The following IL33 variants were observed in gnomAD, a reference collection of about 807,000 sequenced individuals.
IL33 encodes the protein interleukin-33.
A neutral mutation model predicts 27.3 loss-of-function variants in IL33; 37 were observed. The ratio of observed to expected loss-of-function variants is 1.36; its 90% CI spans 1.04 to 1.78. IL33 has a LOEUF of 1.78. IL33 is among the 40% of genes most tolerant of loss of function. The pLI, the probability that IL33 is intolerant of heterozygous loss-of-function variation, is 0.00. For missense variants in IL33, 406 were observed against 311.4 expected, an observed-to-expected ratio of 1.30 and a Z score of -2.29; for synonymous variants, 132 against 102.9, an observed-to-expected ratio of 1.28 and a Z score of -1.71.
Position 6,251,168 on chromosome 9 carries a change from C to A in IL33, c.246C>A (p.Leu82=). 1 of 1,613,900 alleles carries A rather than the reference C, an allele frequency of 6.2e-7. No homozygotes were observed. Among genetic ancestry groups the A allele is most frequent in the South Asian group, 1.1e-5 (1 of 91,056 alleles). ...TGRKHKRHLV[L]AACQQQSTVE... is the part of the protein sequence containing the mutation. ...GAAAGCACAAAAGACATCTGGTACT[C>A]GCTGCCTGTCAACAGCAGTCTACTG... is the stretch of plus-strand genomic sequence containing the variant. Residue 82 remains leucine (L), a synonymous_variant, in exon 4 of 8, where the codon CTC becomes CTA. Coordinates refer to ENST00000682010, the MANE Select transcript of IL33 (RefSeq NM_033439.4).
At chr9:6,250,738 C>G in intron 3 of IL33, 139 bp downstream of exon 3, 1 of 998,722 alleles carries the variant, frequency 1.0e-6, no homozygotes, top group Non-Finnish European at 1.4e-6. Flanking sequence ...TGGTTTTTAG[C>G]TATTTTTAAA....
At chr9:6,218,661 C>CAT (rs531673234) in intron 1 of IL33, among the ~76,000 whole-genome samples, 4 of 139,952 alleles carry the variant, frequency 2.9e-5, no homozygotes, top group African/African-American at 1.1e-4. Flanking sequence ...CATATGTCCC[C>CAT]ATATATATAT....
Position 6,251,144 on chromosome 9 carries a change from A to G in IL33, c.222A>G (p.Arg74=). 1 of 1,613,654 alleles carries G rather than the reference A, an allele frequency of 6.2e-7. No individual in the cohort carries two copies. The change falls in exon 4 of 8, where the codon AGA becomes AGG. Residue 74 remains arginine, a synonymous_variant. Coordinates refer to ENST00000682010, the MANE Select transcript of IL33 (RefSeq NM_033439.4). ...TTKRPSLKTG[R]KHKRHLVLAA... is the part of the protein sequence containing the mutation. Reference sequence around the variant, plus strand: ...CTAATCCCATCCGGTCTGCAGGTAGAAAGCACAAAAGACATCTGGTACTCG... The same window carrying G: ...CTAATCCCATCCGGTCTGCAGGTAGGAAGCACAAAAGACATCTGGTACTCG...
chr9:6,221,809 T>A (rs565181775), intron 1 of IL33, among the ~76,000 whole-genome samples: 2 of 152,292 alleles, frequency 1.3e-5, no homozygotes, highest in East Asian at 3.9e-4. Flanking sequence ...TGTGCATCAG[T>A]GGGTACACTC....
chr9:6,225,691 T>C (rs1416164615), intron 1 of IL33, among the ~76,000 whole-genome samples: 1 of 152,194 alleles, frequency 6.6e-6, no homozygotes, highest in African/African-American at 2.4e-5. Context: ...AATAGTTTTA[T>C]TGTCCTCAAT....
chr9:6,256,388 A>G lies in IL33; in HGVS notation c.*220A>G. 1 of 546,120 alleles carries G rather than the reference A, an allele frequency of 1.8e-6. No homozygotes were observed. The highest frequency in any genetic ancestry group is 3.2e-6 in the Non-Finnish European group (1 of 312,426). 33.8% of individuals were successfully genotyped at this position (546,120 alleles called of 1,614,324 possible). A position where few individuals can be genotyped will look rare whatever the true frequency, so the allele number is the denominator to read the frequency against. On this transcript the variant is annotated 3_prime_UTR_variant, in exon 8 of 8. Coordinates refer to ENST00000682010, the MANE Select transcript of IL33 (RefSeq NM_033439.4). Reference sequence around the variant, plus strand: ...GCATCTTCAATACAAGTATCAGTATATTAAATAGGGTATTGGTAAAGAAAC... The same window carrying G: ...GCATCTTCAATACAAGTATCAGTATGTTAAATAGGGTATTGGTAAAGAAAC...
chr9:6,227,430 C>T (rs1322667820), intron 1 of IL33, among the ~76,000 whole-genome samples: 1 of 152,134 alleles, frequency 6.6e-6, no homozygotes, highest in East Asian at 1.9e-4. Flanking sequence ...TTGTTTTTAT[C>T]AGGAGGGCTG....
intron 4 of IL33, among the ~76,000 whole-genome samples, chr9:6,252,095 ACC>A (rs1491275546): frequency 6.0e-3 from 743 of 123,000 alleles, no homozygotes; most frequent in East Asian, 9.3e-3. Flanking sequence ...AAACAAAAAA[ACC>A]AACTTTACCT....
chr9:6,252,983 A>T lies in IL33; in HGVS notation c.461A>T (p.Glu154Val). 2.0e-6 allele frequency: 3 copies of T among 1,524,498 alleles called. No homozygotes were observed. The allele number at this position is 1,524,498 out of a possible 1,614,324, so 94.4% of individuals were successfully genotyped here. Residue 154 changes from glutamate to valine, a missense_variant, in exon 5 of 8, where the codon GAA (glutamate) becomes GTA (valine). Physicochemically the swap from Glu to Val is moderately radical, Grantham distance 121. Transcript: ENST00000682010. ...EIYVEDLKKD[E>V]KKDKVLLSYY... ...TATGTTGAAGACTTGAAAAAAGATG[A>T]AAAGAAAGGTAGATTATTTTCTTTT...
At chr9:6,218,755 T>G (rs1209448903) in intron 1 of IL33, among the ~76,000 whole-genome samples, 25 of 127,316 alleles carry the variant, frequency 2.0e-4, no homozygotes, top group Non-Finnish European at 4.1e-4. Flanking sequence ...TCTCCATATA[T>G]ATATATGTTC....
At chr9:6,239,257 A>G (rs936556593) in intron 1 of IL33, among the ~76,000 whole-genome samples, 1 of 152,072 alleles carries the variant, frequency 6.6e-6, no homozygotes, top group African/African-American at 2.4e-5. Flanking sequence ...TTTTTTGGTT[A>G]TATTCAAATA....
intron 5 of IL33, 111 bp downstream of exon 5, chr9:6,253,102 G>T (rs1816506207): frequency 1.4e-6 from 1 of 740,206 alleles, no homozygotes; most frequent in Non-Finnish European, 2.1e-6. Context: ...TGGCAAACAG[G>T]TCATGCTGTG....
chr9:6,240,324 T>C (rs10815393), intron 1 of IL33, among the ~76,000 whole-genome samples: 28,745 of 152,036 alleles, frequency 0.19, 2,968 homozygotes, highest in Non-Finnish European at 0.22. Flanking sequence ...GTGGGATAAC[T>C]TGAAGCGTGG....
intron 1 of IL33, among the ~76,000 whole-genome samples, chr9:6,224,480 A>G (rs1408170971): frequency 6.6e-6 from 1 of 152,204 alleles, no homozygotes; most frequent in Non-Finnish European, 1.5e-5. Context: ...ATCAGCTGAT[A>G]GGATTTAGAG....
rs1564073296 is a variant in IL33, at chr9:6,252,075, AAACAAAACAAAACAAAAAAAC to A, written c.344-790_344-770del. ...AACAAACAAAAAAAAACCCAACAAA[AAACAAAACAAAACAAAAAAAC>A]CAACTTTACCTGGAAATTGCATTTG... On this transcript the variant is annotated intron_variant, in intron 4 of 7. Coordinates refer to ENST00000682010, the MANE Select transcript of IL33 (RefSeq NM_033439.4). 4.2e-4 allele frequency among the ~76,000 whole-genome samples: 57 copies of A among 134,582 alleles called. 3 individuals carry two copies. The highest frequency in any genetic ancestry group is 7.2e-3 in the Middle Eastern group (2 of 276). The allele number at this position is 134,582 out of a possible 152,430, so 88.3% of individuals were successfully genotyped here.
chr9:6,215,335 A>G (rs899377849), upstream of IL33, among the ~76,000 whole-genome samples: 3 of 152,262 alleles, frequency 2.0e-5, no homozygotes, highest in African/African-American at 4.8e-5. Flanking sequence ...CCCGTCAGAT[A>G]TGTTGGAATA....
intron 1 of IL33, among the ~76,000 whole-genome samples, chr9:6,238,737 A>G (rs1819368248): frequency 6.6e-6 from 1 of 152,166 alleles, no homozygotes; most frequent in East Asian, 1.9e-4. Context: ...AGGAGGCCAT[A>G]CTTAAAAAGA....
At chr9:6,233,201 T>G (rs537919918) in intron 1 of IL33, among the ~76,000 whole-genome samples, 15 of 152,294 alleles carry the variant, frequency 9.8e-5, no homozygotes, top group African/African-American at 3.6e-4. Flanking sequence ...AAGGATCTGT[T>G]TCAGATTTTT....
In IL33 at chr9:6,257,721, G is replaced by C. The variant is rs1379983919; in HGVS notation, c.*1553G>C. The stretch of plus-strand genomic sequence containing the variant: ...TTATTGAGACCTATTAGATGTAAGT[G>C]CTAGTAGAATATAAGATAAAAGAGG... On this transcript the variant is annotated 3_prime_UTR_variant, in exon 8 of 8. Transcript: ENST00000682010. The C allele has an allele frequency of 6.6e-6, 1 of 152,172 alleles. No homozygotes were observed. Among genetic ancestry groups the C allele is most frequent in the Non-Finnish European group, 1.5e-5 (1 of 68,020 alleles). The allele number at this position is 152,172 out of a possible 1,614,324, so 9.4% of individuals were successfully genotyped here. A position where few individuals can be genotyped will look rare whatever the true frequency, so the allele number is the denominator to read the frequency against.
Sources: allele counts gnomAD v4.1 joint callset (sites outside exome capture counted in the v4.1 genomes callset), GRCh38; gene constraint gnomAD v4.1.1; transcripts MANE v1.5; gene names NCBI Gene and HGNC (gene_info 2026-07-23, HGNC 2026-07-21).